The following GRM7 variants were observed in gnomAD, a reference collection of about 807,000 sequenced individuals.
GRM7 encodes the protein glutamate metabotropic receptor 7, also known as metabotropic glutamate receptor 7.
Under a neutral mutation model 84.5 loss-of-function variants are expected in GRM7, and 35 were observed. That is an observed-to-expected ratio of 0.41 (90% CI 0.32 to 0.55). The LOEUF (loss-of-function observed/expected upper bound fraction) is 0.55, where lower values mean the gene tolerates loss of function less well. GRM7 is among the 20% of genes least tolerant of loss of function. The pLI, the probability that GRM7 is intolerant of heterozygous loss-of-function variation, is 0.19. For missense variants in GRM7, 1,003 were observed against 1,194.6 expected (o/e 0.84, Z 2.36); for synonymous variants, 487 against 455.1 (o/e 1.07, Z -0.89).
intron 1 of GRM7, among the ~76,000 whole-genome samples, chr3:6,995,821 C>T (rs1243941444): frequency 6.6e-6 from 1 of 152,028 alleles, no homozygotes; most frequent in Non-Finnish European, 1.5e-5. Flanking sequence ...AGCAAGGGAC[C>T]ATGGGAAGAA....
chr3:7,635,537 C>G (rs534613069), intron 8 of GRM7, among the ~76,000 whole-genome samples: 1 of 152,204 alleles, frequency 6.6e-6, no homozygotes, highest in Non-Finnish European at 1.5e-5. Context: ...CAATAGTCTG[C>G]CCTGTTGCCT....
chr3:7,652,672 C>T (rs1169074094), intron 8 of GRM7, among the ~76,000 whole-genome samples: 1 of 152,136 alleles, frequency 6.6e-6, no homozygotes, highest in Non-Finnish European at 1.5e-5. Flanking sequence ...TACGCTTTCA[C>T]AAGGAATTAA....
intron 1 of GRM7, among the ~76,000 whole-genome samples, chr3:7,029,137 C>A (rs575170865): frequency 1.3e-5 from 2 of 152,154 alleles, no homozygotes; most frequent in African/African-American, 4.8e-5. Flanking sequence ...AACCCTGTCT[C>A]AACTAAAAAT....
rs534027904 is a variant in GRM7, at chr3:7,646,753, T to A, written c.2452-33296T>A. On this transcript the variant is annotated intron_variant, in intron 8 of 9. Transcript: ENST00000357716. The stretch of plus-strand genomic sequence containing the variant: ...GAGAAGTTGGAGGATGGAGTTAGCA[T>A]CTTTGATGATAATGAATGGCTCTGG... Among the ~76,000 whole-genome samples the A allele has an allele frequency of 2.6e-5, 4 of 152,314 alleles. No homozygotes were observed. The South Asian group carries it at 8.3e-4, about 32-fold the overall frequency.
chr3:6,992,031 G>GA (rs1170665701), intron 1 of GRM7, among the ~76,000 whole-genome samples: 3 of 151,930 alleles, frequency 2.0e-5, no homozygotes, highest in Non-Finnish European at 4.4e-5. Flanking sequence ...CGTAAGGACA[G>GA]AAAAAACTAA....
rs369736922 is a variant in GRM7, at chr3:7,264,736, T to G, written c.737-33948T>G. Among the ~76,000 whole-genome samples, 3 of 152,270 alleles carry G rather than the reference T, an allele frequency of 2.0e-5. No homozygotes were observed. In the East Asian group the frequency reaches 5.8e-4, roughly 29 times the overall value. On this transcript the variant is annotated intron_variant, in intron 2 of 9. Coordinates refer to ENST00000357716, the MANE Select transcript of GRM7 (RefSeq NM_000844.4). ...ATCTTGCCTACCTCTCCACATCTGC[T>G]TTCATTTCCTAGCTTCCAGGGTGTC...
At chr3:7,339,122 G>T (rs575539755) in intron 4 of GRM7, among the ~76,000 whole-genome samples, 1 of 152,144 alleles carries the variant, frequency 6.6e-6, no homozygotes, top group Admixed American at 6.5e-5. Context: ...TATGTTCTAG[G>T]TAGGGATATG....
intron 1 of GRM7, among the ~76,000 whole-genome samples, chr3:6,890,005 C>T (rs1695868574): frequency 6.6e-6 from 1 of 152,136 alleles, no homozygotes; most frequent in Non-Finnish European, 1.5e-5. Context: ...TCTAGATTTT[C>T]TAGTTTATTT....
intron 4 of GRM7, among the ~76,000 whole-genome samples, chr3:7,325,517 C>T (rs1575169475): frequency 6.6e-6 from 1 of 152,258 alleles, no homozygotes; most frequent in South Asian, 2.1e-4. Context: ...TCAGGGACCA[C>T]ACTTTGAGAA....
At chr3:6,991,289 T>C (rs1490485685) in intron 1 of GRM7, among the ~76,000 whole-genome samples, 1 of 152,204 alleles carries the variant, frequency 6.6e-6, no homozygotes, top group Non-Finnish European at 1.5e-5. Flanking sequence ...TCTTCCTCTT[T>C]ACTCCCAGAT....
intron 2 of GRM7, among the ~76,000 whole-genome samples, chr3:7,158,741 A>G (rs372587125): frequency 7.2e-5 from 11 of 152,306 alleles, no homozygotes; most frequent in African/African-American, 2.2e-4. Context: ...AAATTCTGGC[A>G]TCTCCAGTCC....
At position 6,861,520 on chromosome 3, in the gene GRM7, G is replaced by C. The variant is rs1242158334; in HGVS notation, c.132G>C (p.Arg44=). 6.3e-7 allele frequency: 1 copy of C among 1,577,858 alleles called. No individual in the cohort carries two copies. Among genetic ancestry groups the C allele is most frequent in the Non-Finnish European group, 8.6e-7 (1 of 1,163,084 alleles). The change falls in exon 1 of 10, where the codon CGG becomes CGC. Residue 44 remains arginine, a synonymous_variant. Coordinates refer to ENST00000357716, the MANE Select transcript of GRM7 (RefSeq NM_000844.4). The surrounding 1 kb of genome is among the most constrained non-coding windows in gnomAD (Gnocchi z 6.4). ...GQEMYAPHSI[R]IEGDVTLGGL... ...AGATGTACGCCCCGCACTCAATCCG[G>C]ATCGAGGGGGACGTCACCCTCGGGG... is the stretch of plus-strand genomic sequence containing the variant.
intron 4 of GRM7, among the ~76,000 whole-genome samples, chr3:7,345,523 A>T (rs1380590610): frequency 6.6e-6 from 1 of 152,054 alleles, no homozygotes; most frequent in Non-Finnish European, 1.5e-5. Context: ...ACGTCAAGTG[A>T]TCTGTCAGCC....
At chr3:7,403,940 G>A (rs1695567418) in intron 4 of GRM7, among the ~76,000 whole-genome samples, 1 of 151,770 alleles carries the variant, frequency 6.6e-6, no homozygotes, top group African/African-American at 2.4e-5. Flanking sequence ...ATGGATATAT[G>A]AGCGATGAAA....
chr3:7,662,115 C>G (rs1341626981), intron 8 of GRM7, among the ~76,000 whole-genome samples: 1 of 151,988 alleles, frequency 6.6e-6, no homozygotes. Flanking sequence ...GGTTGAATGT[C>G]AGAATAATTA....
At chr3:7,186,398 TA>T in intron 2 of GRM7, among the ~76,000 whole-genome samples, 1 of 152,320 alleles carries the variant, frequency 6.6e-6, no homozygotes, top group African/African-American at 2.4e-5. Context: ...ATGTTACAAA[TA>T]AACATTTTAT....
intron 1 of GRM7, among the ~76,000 whole-genome samples, chr3:7,034,758 T>C (rs183921197): frequency 6.6e-6 from 1 of 152,076 alleles, no homozygotes; most frequent in Non-Finnish European, 1.5e-5. Flanking sequence ...AGTTAAAGGG[T>C]GACTGGTGCA....
intron 3 of GRM7, 79 bp downstream of exon 3, chr3:7,298,904 A>G (rs1699903987): frequency 1.6e-6 from 2 of 1,250,028 alleles, no homozygotes; most frequent in African/African-American, 1.5e-5. Context: ...TGGCTGAGAC[A>G]GGAAAAGATA....
At chr3:6,914,320 C>G (rs1264672389) in intron 1 of GRM7, among the ~76,000 whole-genome samples, 1 of 152,166 alleles carries the variant, frequency 6.6e-6, no homozygotes, top group African/African-American at 2.4e-5. Context: ...CTAAAAATAA[C>G]TTACTTCATT....
Sources: allele counts gnomAD v4.1 joint callset (sites outside exome capture counted in the v4.1 genomes callset), GRCh38; gene constraint gnomAD v4.1.1; non-coding constraint Gnocchi (gnomAD v3.1); transcripts MANE v1.5; gene names NCBI Gene and HGNC (gene_info 2026-07-23, HGNC 2026-07-21).